Variants in TPRG1 observed in about 807,000 individuals in gnomAD.
TPRG1 encodes tumor protein p63-regulated gene 1 protein.
A neutral mutation model predicts 29.3 loss-of-function variants in TPRG1; 29 were observed. That is an observed-to-expected ratio of 0.99 (90% CI 0.74 to 1.35). The LOEUF (loss-of-function observed/expected upper bound fraction) is 1.35, where lower values mean the gene tolerates loss of function less well. Among genes scored for constraint, TPRG1 ranks in the 40% most tolerant of loss-of-function variants. TPRG1 has a pLI of 0.00. For synonymous variants in TPRG1, 130 were observed against 116.8 expected (o/e 1.11, Z -0.73); for missense variants, 327 against 335.0 (o/e 0.98, Z 0.19).
At chr3:189,316,573 G>A (rs1280972621) in intron 5 of TPRG1, among the ~76,000 whole-genome samples, 1 of 152,136 alleles carries the variant, frequency 6.6e-6, no homozygotes, top group Non-Finnish European at 1.5e-5. Context: ...ATGAACTGTT[G>A]GCAGACAGCA....
intron 3 of TPRG1, among the ~76,000 whole-genome samples, chr3:189,012,934 A>C (rs76884800): frequency 6.6e-6 from 1 of 152,030 alleles, no homozygotes; most frequent in Non-Finnish European, 1.5e-5. Context: ...TTTTTCAAAA[A>C]ATCAGTTCCT....
chr3:189,181,791 C>G (rs938605418), intron 1 of TPRG1, among the ~76,000 whole-genome samples: 6 of 152,284 alleles, frequency 3.9e-5, no homozygotes, highest in South Asian at 2.1e-4. Context: ...CAGCAGCACC[C>G]TACTCTACTA....
intron 4 of TPRG1, among the ~76,000 whole-genome samples, chr3:189,079,420 G>A (rs1717438262): frequency 6.6e-6 from 1 of 152,126 alleles, no homozygotes; most frequent in African/African-American, 2.4e-5. Flanking sequence ...TAAATTGGAA[G>A]CCCCTCAAGA....
chr3:189,166,164 A>G (rs1202383603), intron 5 of TPRG1, among the ~76,000 whole-genome samples: 3 of 152,244 alleles, frequency 2.0e-5, no homozygotes, highest in Admixed American at 6.5e-5. Context: ...AGACATTCCA[A>G]GAGAACAGAG....
chr3:189,054,907 G>T (rs1019267683), intron 4 of TPRG1, among the ~76,000 whole-genome samples: 2 of 152,178 alleles, frequency 1.3e-5, no homozygotes, highest in South Asian at 2.1e-4. Context: ...AGCATGTGCT[G>T]GTGGAAAGAT....
chr3:189,312,607 G>A (rs1287341034), intron 5 of TPRG1, among the ~76,000 whole-genome samples: 1 of 152,114 alleles, frequency 6.6e-6, no homozygotes, highest in Non-Finnish European at 1.5e-5. Context: ...TTTGCAGGAA[G>A]AAGTTCAGCG....
chr3:189,222,714 T>C (rs887871580), intron 3 of TPRG1, among the ~76,000 whole-genome samples: 35 of 152,348 alleles, frequency 2.3e-4, no homozygotes, highest in Non-Finnish European at 3.1e-4. Flanking sequence ...ACTGCTTCCA[T>C]ATACGTCTGT....
chr3:189,186,574 A>G (rs1730948204), intron 1 of TPRG1, among the ~76,000 whole-genome samples: 1 of 152,192 alleles, frequency 6.6e-6, no homozygotes, highest in Non-Finnish European at 1.5e-5. Context: ...AAAAATAAAT[A>G]TATTCCGGCT....
rs113646115 is a variant in TPRG1, at chr3:189,046,369, A to G, written c.-463+22423A>G. Among the ~76,000 whole-genome samples the G allele has an allele frequency of 5.4e-4, 82 of 152,340 alleles. 1 individual carries two copies. Among genetic ancestry groups the G allele is most frequent in the African/African-American group, 1.9e-3 (78 of 41,580 alleles). ...CAGAGACAGTTCAGTAAGGCAGCTAATCAGATCTGCTTCTCAGGAGAGTTG... is the reference window on the plus strand; with the variant it reads ...CAGAGACAGTTCAGTAAGGCAGCTAGTCAGATCTGCTTCTCAGGAGAGTTG... On this transcript the variant is annotated intron_variant, in intron 4 of 10. Coordinates refer to the TPRG1 transcript ENST00000433971.
chr3:189,318,245 A>G (rs1375153747), intron 5 of TPRG1, among the ~76,000 whole-genome samples: 1 of 152,180 alleles, frequency 6.6e-6, no homozygotes, highest in Non-Finnish European at 1.5e-5. Context: ...TCTGGCCTAA[A>G]ATAGCAATAG....
chr3:189,094,298 G>A lies in TPRG1; in HGVS notation c.-462-32759G>A, dbSNP rs563620257. Among the ~76,000 whole-genome samples the A allele has an allele frequency of 6.1e-4, 93 of 152,236 alleles. 1 individual carries two copies. The highest frequency in any genetic ancestry group is 2.1e-3 in the African/African-American group (88 of 41,546). ...GAACAGACATTGTGAAGGAGGCAACGTTGCCCCTGGATCTCACAAAATGAA... is the reference window on the plus strand; with the variant it reads ...GAACAGACATTGTGAAGGAGGCAACATTGCCCCTGGATCTCACAAAATGAA... On this transcript the variant is annotated intron_variant, in intron 4 of 10. Coordinates refer to the TPRG1 transcript ENST00000433971.
intron 2 of TPRG1, among the ~76,000 whole-genome samples, chr3:189,209,774 C>G (rs116593123): frequency 3.3e-5 from 5 of 152,088 alleles, no homozygotes; most frequent in African/African-American, 1.2e-4. Flanking sequence ...CCAATCAATG[C>G]GAAGAATATC....
chr3:189,101,724 TC>T (rs1719226646), intron 1 of TPRG1, among the ~76,000 whole-genome samples: 1 of 152,024 alleles, frequency 6.6e-6, no homozygotes, highest in African/African-American at 2.4e-5. Context: ...CCTTGGGCTG[TC>T]TGCACCAAAC....
chr3:189,060,966 A>C (rs1292284589), intron 4 of TPRG1, among the ~76,000 whole-genome samples: 1 of 152,180 alleles, frequency 6.6e-6, no homozygotes, highest in Non-Finnish European at 1.5e-5. Context: ...ATATGGAACC[A>C]AAAAAGAGCC....
At chr3:189,151,224 G>A (rs569843734) in intron 5 of TPRG1, 3 of 99,308 alleles carry the variant, frequency 3.0e-5, no homozygotes, top group South Asian at 3.9e-4. Context: ...AACACCAGTC[G>A]TCCTTCAATA....
chr3:189,191,424 T>C (rs945113372), intron 1 of TPRG1, among the ~76,000 whole-genome samples: 1 of 152,212 alleles, frequency 6.6e-6, no homozygotes, highest in Non-Finnish European at 1.5e-5. Flanking sequence ...GCTACCCCTA[T>C]TGTTCTAGCT....
chr3:189,124,562 A>G (rs1722223482), intron 1 of TPRG1, among the ~76,000 whole-genome samples: 1 of 134,334 alleles, frequency 7.4e-6, no homozygotes, highest in Non-Finnish European at 1.5e-5. Context: ...GTGTGTATAT[A>G]TATATACACA....
intron 1 of TPRG1, among the ~76,000 whole-genome samples, chr3:189,183,187 G>A (rs951285670): frequency 6.6e-6 from 1 of 152,084 alleles, no homozygotes; most frequent in African/African-American, 2.4e-5. Context: ...GGCGTCCGGG[G>A]GAGACATCAC....
intron 3 of TPRG1, among the ~76,000 whole-genome samples, chr3:189,018,004 G>A (rs1200224701): frequency 6.6e-6 from 1 of 151,012 alleles, no homozygotes; most frequent in Non-Finnish European, 1.5e-5. Flanking sequence ...TTTTTCATGT[G>A]TTTTTTGGCT....
Sources: gnomAD v4.1 joint callset for allele counts (sites outside exome capture counted in the v4.1 genomes callset) on GRCh38, gnomAD v4.1.1 for gene constraint, MANE v1.5 for transcripts, NCBI Gene and HGNC (gene_info 2026-07-23, HGNC 2026-07-21) for gene names.